The following TTC17 variants were observed in gnomAD, a reference collection of about 807,000 sequenced individuals.
The protein encoded by TTC17 is tetratricopeptide repeat domain 17.
A neutral mutation model predicts 143.8 loss-of-function variants in TTC17; 58 were observed. The observed-to-expected ratio is 0.40, with a 90% CI of 0.33 to 0.50. The LOEUF (loss-of-function observed/expected upper bound fraction) is 0.50, where lower values mean the gene tolerates loss of function less well. Among genes scored for constraint, TTC17 ranks in the 20% least tolerant of loss-of-function variants. The pLI is 0.49. For missense variants in TTC17, 1,273 were observed against 1,392.5 expected, an observed-to-expected ratio of 0.91 and a Z score of 1.37; for synonymous variants, 501 against 497.8, an observed-to-expected ratio of 1.01 and a Z score of -0.09.
intron 1 of TTC17, among the ~76,000 whole-genome samples, chr11:43,377,021 G>A (rs7933276): frequency 6.6e-6 from 1 of 152,304 alleles, no homozygotes; most frequent in South Asian, 2.1e-4. Flanking sequence ...TAGGTTGGGC[G>A]TGGTGGCTCA....
At chr11:43,415,919 G>A (rs17509067) in intron 16 of TTC17, among the ~76,000 whole-genome samples, 20,311 of 152,194 alleles carry the variant, frequency 0.13, 1,575 homozygotes, top group Admixed American at 0.26. Context: ...AGGCAATAGA[G>A]TGGAGTGGCT....
In TTC17 at chr11:43,492,058, T is replaced by A. The variant is rs781414745; in HGVS notation, c.3189T>A (p.Asn1063Lys). The A allele has an allele frequency of 2.5e-6, 4 of 1,614,094 alleles. No individual in the cohort carries two copies. In the Admixed American group the frequency reaches 6.7e-5, roughly 27 times the overall value. ...PLISLANILH[N>K]AKLWNDAVIV... is the part of the protein sequence containing the mutation. ...TTAGCCTGGCCAACATCTTGCACAA[T>A]GCCAAGCTCTGGAATGACGCCGTCA... Residue 1063 changes from asparagine to lysine, a missense_variant, in exon 23 of 24, where the codon AAT becomes AAA. This residue lies in a region of TTC17 where 878 missense variants were observed against 899.8 expected (regional missense o/e 0.98). Coordinates refer to ENST00000039989, the MANE Select transcript of TTC17 (RefSeq NM_018259.6).
chr11:43,448,140 C>T lies in TTC17; in HGVS notation c.2786+18C>T. ...AACATTGAGTAAGTATGTTAAGCCT[C>T]TCCCTCCTTTATGGCATTTGAGTCC... On this transcript the variant is annotated intron_variant, in intron 19 of 23. Transcript: ENST00000039989. 1 of 1,613,324 alleles carries T rather than the reference C, an allele frequency of 6.2e-7. No homozygotes were observed. The highest frequency in any genetic ancestry group is 8.5e-7 in the Non-Finnish European group (1 of 1,179,630).
chr11:43,399,554 G>A (rs1338956052), intron 8 of TTC17, among the ~76,000 whole-genome samples: 1 of 152,012 alleles, frequency 6.6e-6, no homozygotes, highest in East Asian at 1.9e-4. Context: ...TGTAGTCCCA[G>A]ATACTCCCCA....
At chr11:43,488,154 G>A (rs1948411791) in intron 21 of TTC17, among the ~76,000 whole-genome samples, 1 of 152,126 alleles carries the variant, frequency 6.6e-6, no homozygotes, top group Non-Finnish European at 1.5e-5. Context: ...ACCAGGAGAT[G>A]ATTGGGAAAA....
chr11:43,391,980 G>A, intron 5 of TTC17, 28 bp downstream of exon 5: 1 of 1,578,952 alleles, frequency 6.3e-7, no homozygotes, highest in African/African-American at 1.4e-5. Flanking sequence ...TAAAGAGCCA[G>A]CGGGCTGAGC....
chr11:43,406,566 CTTT>C (rs58014740), intron 13 of TTC17, among the ~76,000 whole-genome samples: 13,991 of 146,444 alleles, frequency 0.096, 797 homozygotes, highest in Middle Eastern at 0.16. Flanking sequence ...TCACAACCAC[CTTT>C]TTTTTTTTAA....
chr11:43,360,547 A>G (rs1237305370), intron 1 of TTC17, among the ~76,000 whole-genome samples: 5 of 152,090 alleles, frequency 3.3e-5, no homozygotes, highest in South Asian at 4.1e-4. Context: ...CTCTTCTGCA[A>G]TATTGTTTTT....
At chr11:43,479,744 CAAGG>C (rs1948251607) in intron 21 of TTC17, among the ~76,000 whole-genome samples, 1 of 152,080 alleles carries the variant, frequency 6.6e-6, no homozygotes, top group South Asian at 2.1e-4. Flanking sequence ...AAAAAGGAAA[CAAGG>C]AAGTAAACTA....
At chr11:43,407,854 G>A (rs1003004852) in intron 15 of TTC17, among the ~76,000 whole-genome samples, 5 of 150,894 alleles carry the variant, frequency 3.3e-5, no homozygotes, top group East Asian at 3.9e-4. Flanking sequence ...ATATACTGCC[G>A]CTTTTTTATG....
chr11:43,440,897 C>T lies in TTC17; in HGVS notation c.2252-2428C>T, dbSNP rs964449776. 1.1e-4 allele frequency among the ~76,000 whole-genome samples: 17 copies of T among 151,980 alleles called. 1 individual carries two copies. The highest frequency in any genetic ancestry group is 3.9e-4 in the African/African-American group (16 of 41,302). On this transcript the variant is annotated intron_variant, in intron 16 of 23. Transcript: ENST00000039989. ...ATTAATTTGAAATTGGTAATGCCCT[C>T]ACATGTGCCTTTACTATCCCTGTAT...
intron 21 of TTC17, among the ~76,000 whole-genome samples, chr11:43,469,499 G>T (rs1198121318): frequency 6.6e-6 from 1 of 152,074 alleles, no homozygotes; most frequent in Non-Finnish European, 1.5e-5. Flanking sequence ...GGTAAACAGT[G>T]GTCTATTGAG....
At chr11:43,464,784 G>A (rs1947939241) in intron 21 of TTC17, among the ~76,000 whole-genome samples, 1 of 152,014 alleles carries the variant, frequency 6.6e-6, no homozygotes, top group Admixed American at 6.6e-5. Context: ...GGCTGATCTG[G>A]GCAGAGAAAC....
chr11:43,378,974 T>C, intron 1 of TTC17: 1 of 391,186 alleles, frequency 2.6e-6, no homozygotes, highest in Non-Finnish European at 4.6e-6. Flanking sequence ...TTCTTTACTA[T>C]TATATCACCT....
At chr11:43,370,400 A>G (rs994046256) in intron 1 of TTC17, 4 of 182,372 alleles carry the variant, frequency 2.2e-5, no homozygotes, top group African/African-American at 9.4e-5. Context: ...GGAGCAAGAA[A>G]ATACAAAAGA....
In TTC17 at chr11:43,462,790, CCAAT is replaced by C. The variant is rs375948308; in HGVS notation, c.3030+11529_3030+11532del. On this transcript the variant is annotated intron_variant, in intron 21 of 23. Coordinates refer to ENST00000039989, the MANE Select transcript of TTC17 (RefSeq NM_018259.6). Reference sequence around the variant, plus strand: ...ACTGGCAGAAGAAATAGACATATTCCCAATCAAAGTAGATTTGAATAAAATTATA... The same window carrying C: ...ACTGGCAGAAGAAATAGACATATTCCCAAAGTAGATTTGAATAAAATTATA... Among the ~76,000 whole-genome samples the C allele has an allele frequency of 5.3e-3, 805 of 152,092 alleles. 3 individuals are homozygous for C. Among genetic ancestry groups the C allele is most frequent in the African/African-American group, 0.018 (754 of 41,456 alleles).
At chr11:43,479,867 C>G (rs1475794222) in intron 21 of TTC17, among the ~76,000 whole-genome samples, 1 of 152,164 alleles carries the variant, frequency 6.6e-6, no homozygotes, top group Non-Finnish European at 1.5e-5. Context: ...AGCTGGAGCT[C>G]TTGCTTCCAC....
rs114509723 is a variant in TTC17, at chr11:43,454,092, G to C, written c.3030+2827G>C. Among the ~76,000 whole-genome samples the C allele has an allele frequency of 9.3e-3, 1,415 of 152,190 alleles. 25 individuals carry two copies. The highest frequency in any genetic ancestry group is 0.032 in the African/African-American group (1,344 of 41,520). ...TTTGAGCTCTGAAAATGTAGGTATA[G>C]TACAATTATCAAAAAATGGTGAGAG... On this transcript the variant is annotated intron_variant, in intron 21 of 23. Coordinates refer to ENST00000039989, the MANE Select transcript of TTC17 (RefSeq NM_018259.6).
At chr11:43,425,165 A>G (rs1230104550) in intron 16 of TTC17, among the ~76,000 whole-genome samples, 2 of 152,056 alleles carry the variant, frequency 1.3e-5, no homozygotes, top group South Asian at 2.1e-4. Context: ...ATTCAGAAAG[A>G]TGATTCTAGC....
Sources: allele counts gnomAD v4.1 joint callset (sites outside exome capture counted in the v4.1 genomes callset), GRCh38; gene constraint gnomAD v4.1.1; regional missense constraint gnomAD v4.1.1; transcripts MANE v1.5; gene names NCBI Gene and HGNC (gene_info 2026-07-23, HGNC 2026-07-21).